The following DYSF variants were observed in gnomAD, a reference collection of about 807,000 sequenced individuals.
DYSF encodes the protein dysferlin.
In DYSF, 212 loss-of-function variants were observed where a neutral mutation model predicts 274.9. The ratio of observed to expected loss-of-function variants is 0.77; its 90% CI spans 0.69 to 0.86. The LOEUF is 0.86. DYSF is among the 40% of genes least tolerant of loss of function. The pLI, the probability that DYSF is intolerant of heterozygous loss-of-function variation, is 0.00. For missense variants in DYSF, 2,666 were observed against 2,783.2 expected (o/e 0.96, Z 0.95); for synonymous variants, 1,091 against 1,078.7 (o/e 1.01, Z -0.22).
intron 41 of DYSF, among the ~76,000 whole-genome samples, chr2:71,627,103 C>G (rs969647872): frequency 6.6e-6 from 1 of 151,266 alleles, no homozygotes; most frequent in African/African-American, 2.4e-5. Flanking sequence ...TTGATCTTCT[C>G]TATTATTTCC....
intron 30 of DYSF, among the ~76,000 whole-genome samples, chr2:71,585,009 A>C (rs1204440444): frequency 6.6e-6 from 1 of 152,222 alleles, no homozygotes; most frequent in Non-Finnish European, 1.5e-5. Context: ...GTACCTGCCA[A>C]GGACCGTGGG....
intron 52 of DYSF, among the ~76,000 whole-genome samples, chr2:71,674,568 TGTAA>T (rs2095187883): frequency 6.6e-6 from 1 of 152,162 alleles, no homozygotes; most frequent in Non-Finnish European, 1.5e-5. Flanking sequence ...GACTCAGATA[TGTAA>T]GTAAGCGAGG....
chr2:71,682,195 A>G (rs1481159253), intron 54 of DYSF, among the ~76,000 whole-genome samples: 1 of 151,636 alleles, frequency 6.6e-6, no homozygotes, highest in Admixed American at 6.6e-5. Flanking sequence ...CAGCTCCTAA[A>G]TCTGCAGTTT....
intron 32 of DYSF, 71 bp downstream of exon 32, chr2:71,590,359 G>A (rs772432711): frequency 3.8e-5 from 58 of 1,531,290 alleles, no homozygotes; most frequent in East Asian, 9.0e-5. Flanking sequence ...TCTGGCTTTC[G>A]GGCAACAAGG....
intron 17 of DYSF, among the ~76,000 whole-genome samples, chr2:71,540,138 G>T (rs2089794286): frequency 6.9e-6 from 1 of 145,818 alleles, no homozygotes. Context: ...TTGAGATGGA[G>T]TCTTGCCCTG....
intron 7 of DYSF, among the ~76,000 whole-genome samples, chr2:71,515,296 T>G (rs1311733338): frequency 1.3e-5 from 2 of 152,088 alleles, no homozygotes; most frequent in African/African-American, 4.8e-5. Context: ...AAAATGCCAG[T>G]ATCAATGGGG....
At chr2:71,471,581 G>A (rs1219198394) in intron 1 of DYSF, among the ~76,000 whole-genome samples, 1 of 152,176 alleles carries the variant, frequency 6.6e-6, no homozygotes, top group Admixed American at 6.5e-5. Context: ...AGGTCAAACA[G>A]GTCAAGAAAT....
intron 32 of DYSF, among the ~76,000 whole-genome samples, chr2:71,593,070 C>A (rs2093313866): frequency 6.6e-6 from 1 of 151,300 alleles, no homozygotes; most frequent in Non-Finnish European, 1.5e-5. Context: ...AATGTGTGTG[C>A]CCTGTGCAGC....
At chr2:71,550,722 AG>A (rs2090882965) in intron 17 of DYSF, among the ~76,000 whole-genome samples, 3 of 152,104 alleles carry the variant, frequency 2.0e-5, no homozygotes, top group Admixed American at 6.5e-5. Context: ...ATGGGCTTTG[AG>A]GTGACACCAT....
chr2:71,675,847 A>T (rs1179388545), intron 52 of DYSF, among the ~76,000 whole-genome samples: 1 of 152,120 alleles, frequency 6.6e-6, no homozygotes, highest in Non-Finnish European at 1.5e-5. Flanking sequence ...ATGTATTTAT[A>T]TATACACATG....
chr2:71,619,116 C>T (rs1394264156), intron 40 of DYSF, among the ~76,000 whole-genome samples: 1 of 152,056 alleles, frequency 6.6e-6, no homozygotes, highest in Non-Finnish European at 1.5e-5. Context: ...TGGTGAACTG[C>T]CGGTTTCCCT....
At position 71,625,553 on chromosome 2, in the gene DYSF, T is replaced by C. The variant is rs576488358; in HGVS notation, c.4527+4944T>C. Among the ~76,000 whole-genome samples the C allele has an allele frequency of 2.6e-5, 4 of 152,278 alleles. No homozygotes were observed. The East Asian group carries it at 7.7e-4, about 29-fold the overall frequency. ...TTTGTCTTTCTCTGGGCTATTTTAG[T>C]ATCTTATTTACTATAGCTTTCTAAT... On this transcript the variant is annotated intron_variant, in intron 41 of 55. Transcript: ENST00000410020.
chr2:71,560,079 C>A lies in DYSF; in HGVS notation c.2217-1673C>A, dbSNP rs375423642. ...CAGCCGGCGTTGGCGGGGCCCCTGG[C>A]TTTGCTTAGGGCTGGGTGGAGCGCC... On this transcript the variant is annotated intron_variant, in intron 22 of 55. Transcript: ENST00000410020. 1.1e-3 allele frequency among the ~76,000 whole-genome samples: 175 copies of A among 152,318 alleles called. 4 individuals are homozygous for A. In the South Asian group the frequency reaches 0.033, roughly 29 times the overall value.
chr2:71,475,492 A>T (rs1367846910), intron 1 of DYSF, among the ~76,000 whole-genome samples: 1 of 152,178 alleles, frequency 6.6e-6, no homozygotes, highest in Non-Finnish European at 1.5e-5. Context: ...ATGGTTAGGG[A>T]GCACCAAAGA....
At position 71,571,016 on chromosome 2, in the gene DYSF, C is replaced by CACATTCAGCACACACACAGATT. The variant is rs2092391487; in HGVS notation, c.3228+278_3228+279insTTCAGCACACACACAGATTACA. On this transcript the variant is annotated intron_variant, in intron 29 of 55. Coordinates refer to ENST00000410020, the MANE Select transcript of DYSF (RefSeq NM_001130987.2). ...GATCACACTGGGAACACCCACAGAT[C>CACATTCAGCACACACACAGATT]ACACTCAGCACACACACAGATTACA... The CACATTCAGCACACACACAGATT allele has an allele frequency of 5.9e-6, 3 of 510,314 alleles. No individual in the cohort carries two copies. In the African/African-American group the frequency reaches 6.0e-5, roughly 10 times the overall value. The allele number at this position is 510,314 out of a possible 1,614,324, so 31.6% of individuals were successfully genotyped here. A position where few individuals can be genotyped will look rare whatever the true frequency, so the allele number is the denominator to read the frequency against.
chr2:71,544,459 C>CTT (rs10656285), intron 17 of DYSF, among the ~76,000 whole-genome samples: 67,445 of 128,840 alleles, frequency 0.52, 19,209 homozygotes, highest in Non-Finnish European at 0.63. Flanking sequence ...TAAAAATGTT[C>CTT]TTTTTTTTTT....
Position 71,668,484 on chromosome 2 carries a change from C to T in DYSF, c.5458-270C>T, listed in dbSNP as rs13012465. 5.6e-4 allele frequency among the ~76,000 whole-genome samples: 85 copies of T among 152,268 alleles called. No homozygotes were observed. In the Middle Eastern group the frequency reaches 0.014, roughly 24 times the overall value. On this transcript the variant is annotated intron_variant, in intron 48 of 55. Coordinates refer to ENST00000410020, the MANE Select transcript of DYSF (RefSeq NM_001130987.2). ...GCCACGACTGTGCACATGCCATTCC[C>T]CTGGCTGCCAAGACTCAGCTCAGCC...
At chr2:71,470,883 C>T (rs1387562781) in intron 1 of DYSF, among the ~76,000 whole-genome samples, 4 of 151,218 alleles carry the variant, frequency 2.6e-5, no homozygotes, top group Non-Finnish European at 1.5e-5. Context: ...CCGCCGCCTC[C>T]CAGGTTCGAG....
chr2:71,679,372 C>A lies in DYSF; in HGVS notation c.6063+137C>A, dbSNP rs111640959. 2.4e-5 allele frequency: 21 copies of A among 877,766 alleles called. No homozygotes were observed. The South Asian group carries it at 3.1e-4, about 13-fold the overall frequency. 54.4% of individuals were successfully genotyped at this position (877,766 alleles called of 1,614,324 possible). On this transcript the variant is annotated intron_variant, in intron 53 of 55. Coordinates refer to ENST00000410020, the MANE Select transcript of DYSF (RefSeq NM_001130987.2). ...TCCCCCTCTCCTGCCCCCATCCCCC[C>A]TCTCTCTCTATTTTCCAAGGCATTC... is the stretch of plus-strand genomic sequence containing the variant.
Sources: gnomAD v4.1 joint callset for allele counts (sites outside exome capture counted in the v4.1 genomes callset) on GRCh38, gnomAD v4.1.1 for gene constraint, MANE v1.5 for transcripts, NCBI Gene and HGNC (gene_info 2026-07-23, HGNC 2026-07-21) for gene names.